The following MSH4 variants were observed in gnomAD, a reference collection of about 807,000 sequenced individuals.
The protein encoded by MSH4 is mutS protein homolog 4.
Under a neutral mutation model 113.7 loss-of-function variants are expected in MSH4, and 106 were observed. The observed-to-expected ratio is 0.93, with a 90% confidence interval of 0.80 to 1.10. MSH4 has a LOEUF of 1.10. MSH4 is among the 50% of genes least tolerant of loss of function. The probability of loss-of-function intolerance (pLI) is 0.00; values close to 1 mark genes in which losing one functional copy is unlikely to be tolerated. For synonymous variants in MSH4, 368 were observed against 380.2 expected (o/e 0.97, Z 0.37); for missense variants, 1,061 against 1,093.7 (o/e 0.97, Z 0.42).
intron 7 of MSH4, among the ~76,000 whole-genome samples, chr1:75,839,616 C>T (rs1396292767): frequency 6.6e-6 from 1 of 151,980 alleles, no homozygotes; most frequent in African/African-American, 2.4e-5. Context: ...ATATAAGAAT[C>T]TCATGTCTAA....
chr1:75,873,854 A>G (rs1422996411), intron 9 of MSH4, among the ~76,000 whole-genome samples: 2 of 152,056 alleles, frequency 1.3e-5, no homozygotes, highest in Admixed American at 6.6e-5. Flanking sequence ...TGTCTTTGCT[A>G]TATTGTGAAC....
intron 7 of MSH4, among the ~76,000 whole-genome samples, chr1:75,839,007 T>A (rs553776148): frequency 1.1e-4 from 17 of 152,330 alleles, no homozygotes; most frequent in African/African-American, 4.1e-4. Context: ...CAGTTTAACA[T>A]ATTTGTTAAA....
At chr1:75,816,568 G>T (rs2100515122) in intron 6 of MSH4, 22 bp downstream of exon 6, 1 of 1,361,060 alleles carries the variant, frequency 7.3e-7, no homozygotes, top group South Asian at 1.5e-5. Flanking sequence ...CATTTTATTT[G>T]TATAAAATAT....
chr1:75,911,370 TCTAA>T (rs1329394878), intron 19 of MSH4, among the ~76,000 whole-genome samples: 3 of 152,300 alleles, frequency 2.0e-5, no homozygotes, highest in Non-Finnish European at 2.9e-5. Context: ...ATGTACCTGC[TCTAA>T]CTGTTTCCTC....
At chr1:75,829,558 A>C (rs1650636785) in intron 7 of MSH4, among the ~76,000 whole-genome samples, 1 of 152,186 alleles carries the variant, frequency 6.6e-6, no homozygotes, top group Admixed American at 6.5e-5. Context: ...CTGACACCTC[A>C]TACAGCTGGA....
intron 9 of MSH4, among the ~76,000 whole-genome samples, chr1:75,874,904 A>G: frequency 6.6e-6 from 1 of 152,022 alleles, no homozygotes; most frequent in East Asian, 1.9e-4. Flanking sequence ...TTATTTATTT[A>G]TTATTTGAGA....
At position 75,815,092 on chromosome 1, in the gene MSH4, A is replaced by T. The variant is rs1441700711; in HGVS notation, c.771A>T (p.Leu257Phe). 1.9e-6 allele frequency: 3 copies of T among 1,606,220 alleles called. No individual in the cohort carries two copies. In the East Asian group the frequency reaches 6.7e-5, roughly 36 times the overall value. Reference protein sequence around the residue: ...ETKGLEYIEQLCIAEFSTVLM... With the variant: ...ETKGLEYIEQFCIAEFSTVLM... ...AAGGATTAGAGTACATTGAACAGTTATGCATAGCAGAATTCAGCACTGTCC... is the reference window on the plus strand; with the variant it reads ...AAGGATTAGAGTACATTGAACAGTTTTGCATAGCAGAATTCAGCACTGTCC... Residue 257 changes from leucine (L) to phenylalanine (F), a missense_variant, in exon 5 of 20, where the codon TTA (leucine) becomes TTT (phenylalanine). Transcript: ENST00000263187.
chr1:75,905,807 C>A (rs1036835537), intron 19 of MSH4, among the ~76,000 whole-genome samples: 1 of 152,000 alleles, frequency 6.6e-6, no homozygotes, highest in African/African-American at 2.4e-5. Context: ...GAATAACATT[C>A]TTTGTCTCTT....
rs1326866122 is a variant in MSH4 at position 75,899,313 on chromosome 1, AAATGG to A, written c.2531-301_2531-297del. Among the ~76,000 whole-genome samples, 6 of 152,286 alleles carry A rather than the reference AAATGG, an allele frequency of 3.9e-5. No homozygotes were observed. In the East Asian group the frequency reaches 1.2e-3, roughly 29 times the overall value. ...CCTTCTGTTAACCAACTATATTTGC[AAATGG>A]AATTTCAATATTATTATTTTCTAAC... is the stretch of plus-strand genomic sequence containing the variant. On this transcript the variant is annotated intron_variant, in intron 18 of 19. Transcript: ENST00000263187.
At chr1:75,874,629 G>A (rs1177003683) in intron 9 of MSH4, among the ~76,000 whole-genome samples, 2 of 151,964 alleles carry the variant, frequency 1.3e-5, no homozygotes, top group African/African-American at 2.4e-5. Flanking sequence ...ACAATGGAAG[G>A]TTTTTGAAAG....
chr1:75,841,027 G>A (rs1650947976), intron 7 of MSH4, among the ~76,000 whole-genome samples: 1 of 152,122 alleles, frequency 6.6e-6, no homozygotes, highest in East Asian at 1.9e-4. Context: ...TGATATTCGA[G>A]ATGAAGGGAA....
At chr1:75,861,840 TG>T in intron 8 of MSH4, among the ~76,000 whole-genome samples, 1 of 152,334 alleles carries the variant, frequency 6.6e-6, no homozygotes, top group African/African-American at 2.4e-5. Context: ...AGAAGCTGCC[TG>T]CTGCCTTTTT....
Position 75,880,088 on chromosome 1 carries a change from A to G in MSH4, c.1716A>G (p.Ala572=), listed in dbSNP as rs1259526576. 5.6e-6 allele frequency: 9 copies of G among 1,598,542 alleles called. No individual in the cohort carries two copies. Among genetic ancestry groups the G allele is most frequent in the Non-Finnish European group, 7.7e-6 (9 of 1,171,098 alleles). Residue 572 remains alanine (A), a synonymous_variant, in exon 13 of 20, where the codon GCA becomes GCG. Transcript: ENST00000263187. ...KVKNSYSFTS[A]DLIKMNERCQ... ...AAAATTCTTACAGCTTTACATCAGC[A>G]GATTTAATTAAAATGAATGAAAGAT...
At chr1:75,864,839 G>A (rs1651528441) in intron 8 of MSH4, among the ~76,000 whole-genome samples, 1 of 152,108 alleles carries the variant, frequency 6.6e-6, no homozygotes. Context: ...CATTGCCTTG[G>A]TATTCACTTT....
At chr1:75,898,151 T>G in intron 18 of MSH4, 70 bp downstream of exon 18, 19 of 1,058,952 alleles carry the variant, frequency 1.8e-5, no homozygotes, top group Non-Finnish European at 2.2e-5. Context: ...CTTTCATCTC[T>G]TCTTTACTTG....
chr1:75,873,163 G>T (rs755528883), intron 9 of MSH4, among the ~76,000 whole-genome samples: 1 of 151,998 alleles, frequency 6.6e-6, no homozygotes, highest in East Asian at 1.9e-4. Context: ...TTTTCCAATT[G>T]GTCTCACAAA....
In MSH4 at chr1:75,886,759, A is replaced by C. The variant is rs574993425; in HGVS notation, c.2108-2492A>C. 2.1e-5 allele frequency among the ~76,000 whole-genome samples: 3 copies of C among 140,460 alleles called. No homozygotes were observed. The South Asian group carries it at 6.4e-4, about 30-fold the overall frequency. The allele number at this position is 140,460 out of a possible 152,430, so 92.1% of individuals were successfully genotyped here. A position where few individuals can be genotyped will look rare whatever the true frequency, so the allele number is the denominator to read the frequency against. On this transcript the variant is annotated intron_variant, in intron 15 of 19. Coordinates refer to ENST00000263187, the MANE Select transcript of MSH4 (RefSeq NM_002440.4). ...TAAATATATTATATACATTATATAT[A>C]AAATATGTATATAGTTATTATACCT...
chr1:75,841,536 G>T (rs1383502671), intron 7 of MSH4, among the ~76,000 whole-genome samples: 1 of 152,150 alleles, frequency 6.6e-6, no homozygotes, highest in Non-Finnish European at 1.5e-5. Flanking sequence ...TGTATTTAAG[G>T]ATTGGCCAGT....
chr1:75,841,631 G>C (rs1650961343), intron 7 of MSH4, among the ~76,000 whole-genome samples: 1 of 152,150 alleles, frequency 6.6e-6, no homozygotes. Context: ...TAATGCTAAG[G>C]AGTTTAATTT....
Sources: allele counts gnomAD v4.1 joint callset (sites outside exome capture counted in the v4.1 genomes callset), GRCh38; gene constraint gnomAD v4.1.1; transcripts MANE v1.5; gene names NCBI Gene and HGNC (gene_info 2026-07-23, HGNC 2026-07-21).